DGKB: variants seen among roughly 807,000 people sequenced by gnomAD.
DGKB encodes the protein diacylglycerol kinase beta.
DGKB carries 67 observed loss-of-function variants against 114.3 expected under a neutral mutation model. The observed-to-expected ratio is 0.59, with a 90% confidence interval of 0.48 to 0.72. DGKB has a LOEUF of 0.72. Among genes scored for constraint, DGKB ranks in the 30% least tolerant of loss-of-function variants. The pLI, the probability that DGKB is intolerant of heterozygous loss-of-function variation, is 0.00. For synonymous variants in DGKB, 398 were observed against 323.1 expected (o/e 1.23, Z -2.49); for missense variants, 907 against 975.2 (o/e 0.93, Z 0.93).
intron 4 of DGKB, among the ~76,000 whole-genome samples, chr7:14,747,936 AC>A (rs1251572045): frequency 6.6e-6 from 1 of 152,236 alleles, no homozygotes; most frequent in African/African-American, 2.4e-5. Flanking sequence ...CCAAATTGGC[AC>A]AGATTCAAGG....
At chr7:14,368,142 C>T (rs1474000254) in intron 21 of DGKB, among the ~76,000 whole-genome samples, 2 of 151,068 alleles carry the variant, frequency 1.3e-5, no homozygotes, top group African/African-American at 2.4e-5. Context: ...CCTACCCCCA[C>T]ATATGCACAG....
At chr7:14,798,154 G>A (rs1841667494) in intron 2 of DGKB, among the ~76,000 whole-genome samples, 1 of 152,160 alleles carries the variant, frequency 6.6e-6, no homozygotes, top group African/African-American at 2.4e-5. Context: ...AAGAGAGAGT[G>A]GGTACGATGG....
chr7:14,597,794 T>C (rs547955605), intron 17 of DGKB, among the ~76,000 whole-genome samples: 2 of 152,274 alleles, frequency 1.3e-5, no homozygotes, highest in African/African-American at 4.8e-5. Context: ...GGGTGACTAC[T>C]GAATCAGTAG....
At chr7:14,210,804 C>A (rs1375750102) in intron 23 of DGKB, among the ~76,000 whole-genome samples, 1 of 152,042 alleles carries the variant, frequency 6.6e-6, no homozygotes, top group Non-Finnish European at 1.5e-5. Flanking sequence ...CATAAACCAG[C>A]ACCTACCTTT....
At chr7:14,918,592 G>C (rs907906206) in intron 1 of DGKB, among the ~76,000 whole-genome samples, 13 of 151,778 alleles carry the variant, frequency 8.6e-5, no homozygotes, top group African/African-American at 3.1e-4. Flanking sequence ...AATTTACAAA[G>C]TCCTAAAAAA....
At chr7:14,854,409 G>C (rs918224170) in intron 1 of DGKB, among the ~76,000 whole-genome samples, 2 of 152,166 alleles carry the variant, frequency 1.3e-5, no homozygotes, top group African/African-American at 2.4e-5. Context: ...ACCAGGGACC[G>C]GTTTCGTGAA....
chr7:14,205,421 A>T (rs1211621025), intron 23 of DGKB, among the ~76,000 whole-genome samples: 9 of 151,724 alleles, frequency 5.9e-5, no homozygotes, highest in African/African-American at 1.9e-4. Flanking sequence ...TTTCTTGGGG[A>T]CACCTCATAT....
chr7:14,192,248 AAAAC>A (rs1171974824), intron 23 of DGKB: 8 of 204,630 alleles, frequency 3.9e-5, no homozygotes, highest in Middle Eastern at 2.0e-3. Flanking sequence ...GTCAAACTGA[AAAAC>A]AAATTCACTA....
intron 13 of DGKB, among the ~76,000 whole-genome samples, chr7:14,659,594 C>A (rs975616603): frequency 7.4e-5 from 11 of 147,886 alleles, no homozygotes; most frequent in Middle Eastern, 6.4e-3. Flanking sequence ...TATCCTGAGA[C>A]TTTGCTGAAG....
intron 2 of DGKB, among the ~76,000 whole-genome samples, chr7:14,785,703 G>C (rs1263556555): frequency 6.6e-6 from 1 of 151,910 alleles, no homozygotes. Context: ...TTCTAAAATA[G>C]AAAATTAAAT....
At chr7:14,438,180 C>A (rs73280329) in intron 21 of DGKB, among the ~76,000 whole-genome samples, 1 of 152,064 alleles carries the variant, frequency 6.6e-6, no homozygotes, top group Admixed American at 6.6e-5. Flanking sequence ...TTTCTGACCC[C>A]AGTTGTTAGT....
intron 23 of DGKB, among the ~76,000 whole-genome samples, chr7:14,231,074 C>G (rs1791660618): frequency 6.8e-6 from 1 of 148,114 alleles, no homozygotes; most frequent in Non-Finnish European, 1.5e-5. Flanking sequence ...AAAATTCTTT[C>G]TTCTTTCCCT....
intron 23 of DGKB, among the ~76,000 whole-genome samples, chr7:14,266,325 A>G (rs1554315425): frequency 6.6e-6 from 1 of 152,158 alleles, no homozygotes; most frequent in Non-Finnish European, 1.5e-5. Flanking sequence ...ATGCATTTCT[A>G]TTTTTTAAAA....
At chr7:14,279,242 G>A (rs1375917880) in intron 23 of DGKB, among the ~76,000 whole-genome samples, 1 of 152,142 alleles carries the variant, frequency 6.6e-6, no homozygotes, top group Non-Finnish European at 1.5e-5. Flanking sequence ...CCCCCACGGA[G>A]TCTCGCTGAT....
chr7:14,942,553 G>C (rs988035832), intron 1 of DGKB, among the ~76,000 whole-genome samples: 3 of 151,926 alleles, frequency 2.0e-5, no homozygotes, highest in Non-Finnish European at 2.9e-5. Context: ...TTCTAACAGT[G>C]CTGAAGTAAT....
intron 12 of DGKB, among the ~76,000 whole-genome samples, chr7:14,678,822 T>A (rs764740018): frequency 1.4e-4 from 22 of 152,088 alleles, no homozygotes; most frequent in Admixed American, 1.1e-3. Flanking sequence ...GGGCTGCGAA[T>A]GTGGAGACAA....
At chr7:14,536,163 C>A (rs1359046892) in intron 20 of DGKB, among the ~76,000 whole-genome samples, 1 of 151,984 alleles carries the variant, frequency 6.6e-6, no homozygotes, top group Admixed American at 6.6e-5. Flanking sequence ...GCAATAAAAA[C>A]CTATCAATAA....
intron 1 of DGKB, among the ~76,000 whole-genome samples, chr7:14,940,931 AATTT>A (rs1233945296): frequency 6.6e-6 from 1 of 152,074 alleles, no homozygotes; most frequent in Non-Finnish European, 1.5e-5. Context: ...GATTTTTAAT[AATTT>A]ATTAGACTGT....
intron 21 of DGKB, among the ~76,000 whole-genome samples, chr7:14,406,492 T>A (rs1197144458): frequency 6.6e-6 from 1 of 152,062 alleles, no homozygotes; most frequent in Non-Finnish European, 1.5e-5. Context: ...GCTCTACATG[T>A]CCAGGTACTA....
Sources: gnomAD v4.1 joint callset for allele counts (sites outside exome capture counted in the v4.1 genomes callset) on GRCh38, gnomAD v4.1.1 for gene constraint, MANE v1.5 for transcripts, NCBI Gene and HGNC (gene_info 2026-07-23, HGNC 2026-07-21) for gene names.